Variants in EXOC4 observed in about 807,000 individuals in gnomAD.
EXOC4 encodes the protein SEC8-like 1.
Under a neutral mutation model 107.2 loss-of-function variants are expected in EXOC4, and 71 were observed. That is an observed-to-expected ratio of 0.66 (90% CI 0.55 to 0.81). EXOC4 has a LOEUF of 0.81. EXOC4 is among the 30% of genes least tolerant of loss of function. The probability of loss-of-function intolerance (pLI) is 0.00; values close to 1 mark genes in which losing one functional copy is unlikely to be tolerated. For synonymous variants in EXOC4, 456 were observed against 441.2 expected, an observed-to-expected ratio of 1.03 and a Z score of -0.42; for missense variants, 1,108 against 1,189.6, an observed-to-expected ratio of 0.93 and a Z score of 1.01.
At chr7:133,889,525 A>C in intron 11 of EXOC4, among the ~76,000 whole-genome samples, 1 of 133,906 alleles carries the variant, frequency 7.5e-6, no homozygotes, top group East Asian at 2.3e-4. Context: ...GCACCCACTA[A>C]CTCGTCATCT....
At chr7:133,599,793 A>G (rs1051782881) in intron 9 of EXOC4, among the ~76,000 whole-genome samples, 5 of 152,118 alleles carry the variant, frequency 3.3e-5, no homozygotes, top group Middle Eastern at 3.4e-3. Context: ...TTCTTATTCT[A>G]TAAAGTACAA....
chr7:133,553,069 G>A (rs1208278891), intron 9 of EXOC4, among the ~76,000 whole-genome samples: 7 of 152,056 alleles, frequency 4.6e-5, no homozygotes, highest in Admixed American at 3.3e-4. Context: ...GTGACACTGG[G>A]CAACTTACAA....
intron 5 of EXOC4, among the ~76,000 whole-genome samples, chr7:133,328,253 T>G (rs908647813): frequency 7.1e-6 from 1 of 141,688 alleles, no homozygotes; most frequent in Non-Finnish European, 1.6e-5. Context: ...TTGCAACCCC[T>G]GTTTTTTTTT....
At chr7:133,711,821 T>G (rs780557376) in intron 10 of EXOC4, among the ~76,000 whole-genome samples, 11 of 152,190 alleles carry the variant, frequency 7.2e-5, no homozygotes, top group Non-Finnish European at 1.2e-4. Context: ...CTGTTGCCCA[T>G]AGTTCTTGAC....
At chr7:133,562,690 G>T (rs1160693212) in intron 9 of EXOC4, among the ~76,000 whole-genome samples, 3 of 152,288 alleles carry the variant, frequency 2.0e-5, no homozygotes, top group Non-Finnish European at 4.4e-5. Context: ...AAAGATTGAG[G>T]GCACTGAGTC....
At chr7:133,328,531 C>G (rs1795303660) in intron 5 of EXOC4, among the ~76,000 whole-genome samples, 1 of 152,088 alleles carries the variant, frequency 6.6e-6, no homozygotes, top group Non-Finnish European at 1.5e-5. Context: ...ATGGTCTTTA[C>G]AGTTTGGTAT....
chr7:133,992,042 GGTA>G (rs1208075259), intron 14 of EXOC4, among the ~76,000 whole-genome samples: 2 of 151,878 alleles, frequency 1.3e-5, no homozygotes, highest in Non-Finnish European at 2.9e-5. Context: ...GGTTGCTTTT[GGTA>G]CTATAGACAT....
intron 17 of EXOC4, among the ~76,000 whole-genome samples, chr7:134,042,108 G>A (rs1795534767): frequency 6.6e-6 from 1 of 152,054 alleles, no homozygotes; most frequent in Non-Finnish European, 1.5e-5. Context: ...TGCCACAAAT[G>A]TCTTAGGAAA....
chr7:133,295,681 C>G (rs923891015), intron 3 of EXOC4, among the ~76,000 whole-genome samples: 1 of 152,124 alleles, frequency 6.6e-6, no homozygotes, highest in African/African-American at 2.4e-5. Flanking sequence ...GTCAGTAAAG[C>G]TGTGTCATTA....
At chr7:133,786,950 A>C (rs1185628860) in intron 10 of EXOC4, among the ~76,000 whole-genome samples, 1 of 152,242 alleles carries the variant, frequency 6.6e-6, no homozygotes, top group Non-Finnish European at 1.5e-5. Flanking sequence ...TCTGAATTCA[A>C]ATCACTTATA....
chr7:133,601,866 CTGTG>C (rs1272342443), intron 9 of EXOC4: 2 of 152,262 alleles, frequency 1.3e-5, no homozygotes, highest in Non-Finnish European at 2.9e-5. Context: ...AACATCGGGG[CTGTG>C]TGTGTGTTGC....
chr7:133,711,429 A>G (rs925067513), intron 10 of EXOC4, among the ~76,000 whole-genome samples: 6 of 152,214 alleles, frequency 3.9e-5, no homozygotes, highest in Non-Finnish European at 7.3e-5. Flanking sequence ...CACTGATAAA[A>G]ATACACACGA....
chr7:133,641,367 C>T (rs1802850290), intron 10 of EXOC4, among the ~76,000 whole-genome samples: 1 of 152,106 alleles, frequency 6.6e-6, no homozygotes, highest in South Asian at 2.1e-4. Context: ...GTCTACAGTA[C>T]CTTTCATTGT....
At chr7:133,318,307 G>T (rs1795037380) in intron 5 of EXOC4, among the ~76,000 whole-genome samples, 1 of 152,310 alleles carries the variant, frequency 6.6e-6, no homozygotes, top group East Asian at 1.9e-4. Context: ...GTATACTTTG[G>T]ATGCAAAGAT....
At chr7:133,951,937 A>G (rs972222043) in intron 14 of EXOC4, among the ~76,000 whole-genome samples, 5 of 152,158 alleles carry the variant, frequency 3.3e-5, no homozygotes, top group African/African-American at 1.2e-4. Flanking sequence ...AGGCAGGTGG[A>G]TCACCTGATG....
At chr7:133,296,303 G>A (rs1373821254) in intron 3 of EXOC4, among the ~76,000 whole-genome samples, 2 of 151,696 alleles carry the variant, frequency 1.3e-5, no homozygotes, top group Non-Finnish European at 3.0e-5. Flanking sequence ...CTCATATTAT[G>A]TTAAGTACTA....
chr7:134,009,922 A>T (rs780291410), intron 17 of EXOC4: 2 of 152,214 alleles, frequency 1.3e-5, no homozygotes, highest in African/African-American at 2.4e-5. Context: ...TCATGTGCCG[A>T]TGAAGCATTT....
At chr7:133,906,970 G>A (rs947585603) in intron 12 of EXOC4, among the ~76,000 whole-genome samples, 4 of 152,140 alleles carry the variant, frequency 2.6e-5, no homozygotes, top group African/African-American at 9.7e-5. Context: ...GAATCTGTGA[G>A]GCCAAGAACC....
intron 6 of EXOC4, among the ~76,000 whole-genome samples, chr7:133,357,611 A>G (rs1344470865): frequency 1.3e-5 from 2 of 152,202 alleles, no homozygotes; most frequent in South Asian, 2.1e-4. Context: ...TACGTTGTTA[A>G]GGAAATATCT....
Sources: gnomAD v4.1 joint callset for allele counts (sites outside exome capture counted in the v4.1 genomes callset) on GRCh38, gnomAD v4.1.1 for gene constraint, MANE v1.5 for transcripts, NCBI Gene and HGNC (gene_info 2026-07-23, HGNC 2026-07-21) for gene names.